Variants in ARNT2 observed in about 807,000 individuals in gnomAD.
The protein encoded by ARNT2 is ARNT protein 2.
A neutral mutation model predicts 91.7 loss-of-function variants in ARNT2; 36 were observed. That is an observed-to-expected ratio of 0.39 (90% CI 0.30 to 0.52). The LOEUF (loss-of-function observed/expected upper bound fraction) is 0.52, where lower values mean the gene tolerates loss of function less well. ARNT2 is among the 20% of genes least tolerant of loss of function. ARNT2 has a pLI of 0.72. For missense variants in ARNT2, 775 were observed against 939.3 expected (o/e 0.83, Z 2.29); for synonymous variants, 365 against 347.1 (o/e 1.05, Z -0.57).
At chr15:80,533,328 G>A (rs145399169) in intron 8 of ARNT2, among the ~76,000 whole-genome samples, 195 of 152,324 alleles carry the variant, frequency 1.3e-3, no homozygotes, top group African/African-American at 4.4e-3. Context: ...ACTGATGGCG[G>A]TGAGAGGTGA....
rs540794955 is a variant in ARNT2, at chr15:80,519,826, A to T, written c.877+5421A>T. 4.5e-4 allele frequency among the ~76,000 whole-genome samples: 68 copies of T among 149,720 alleles called. 2 individuals are homozygous for T. The highest frequency in any genetic ancestry group is 8.9e-4 in the Non-Finnish European group (60 of 67,604). On this transcript the variant is annotated intron_variant, in intron 8 of 18. Coordinates refer to ENST00000303329, the MANE Select transcript of ARNT2 (RefSeq NM_014862.4). ...TCAGCCTCCGAGTAACTGGGACTACAGGCACCTGCCACCATGCCCGGCTAA... is the reference window on the plus strand; with the variant it reads ...TCAGCCTCCGAGTAACTGGGACTACTGGCACCTGCCACCATGCCCGGCTAA...
chr15:80,433,877 G>T (rs1216062577), intron 1 of ARNT2: 2 of 151,922 alleles, frequency 1.3e-5, no homozygotes, highest in East Asian at 3.9e-4. Flanking sequence ...AAAAGGGCAT[G>T]ATCCAATGTC....
At chr15:80,577,030 T>A in intron 15 of ARNT2, 65 bp downstream of exon 15, 2 of 1,488,676 alleles carry the variant, frequency 1.3e-6, no homozygotes, top group South Asian at 1.1e-5. Context: ...GCCCTGGGTC[T>A]CAGAGCACAG....
intron 5 of ARNT2, among the ~76,000 whole-genome samples, chr15:80,479,390 A>G (rs1489417712): frequency 6.6e-6 from 1 of 152,210 alleles, no homozygotes; most frequent in Non-Finnish European, 1.5e-5. Context: ...ACTTGTCATG[A>G]TCTGACTTGT....
At chr15:80,519,888 T>A (rs1347037711) in intron 8 of ARNT2, among the ~76,000 whole-genome samples, 4 of 144,336 alleles carry the variant, frequency 2.8e-5, no homozygotes, top group Admixed American at 2.1e-4. Flanking sequence ...TTACTAGAGA[T>A]GGGGTTTCAC....
intron 17 of ARNT2, among the ~76,000 whole-genome samples, chr15:80,581,613 T>C (rs1898799308): frequency 6.6e-6 from 1 of 152,176 alleles, no homozygotes; most frequent in Non-Finnish European, 1.5e-5. Context: ...GATTTGACTT[T>C]ATCATTTTCA....
At position 80,404,864 on chromosome 15, in the gene ARNT2, C is replaced by G. The variant is rs1417718237; in HGVS notation, c.31+318C>G. 6.6e-6 allele frequency among the ~76,000 whole-genome samples: 1 copy of G among 152,256 alleles called. No individual in the cohort carries two copies. The highest frequency in any genetic ancestry group is 1.5e-5 in the Non-Finnish European group (1 of 68,046). On this transcript the variant is annotated intron_variant, in intron 1 of 18. Coordinates refer to ENST00000303329, the MANE Select transcript of ARNT2 (RefSeq NM_014862.4). The surrounding 1 kb of genome is among the most constrained non-coding windows in gnomAD (Gnocchi z 5.5). ...CTGAAAATAACCGCCTTTGCCTTCC[C>G]CATCCCACGCATTTTTCTCTTCCGG...
At chr15:80,514,069 G>T (rs919515460) in intron 7 of ARNT2, 93 bp downstream of exon 7, 3 of 1,276,004 alleles carry the variant, frequency 2.4e-6, no homozygotes, top group Non-Finnish European at 1.1e-6. Flanking sequence ...AAGGGGCTTA[G>T]TGTGGTGAGG....
Position 80,596,985 on chromosome 15 carries a change from C to CTGTGGATT in ARNT2, c.*3288_*3289insGTGGATTT. ...AGCCATCACAAATAGCCACATTCTG[C>CTGTGGATT]TCTACTCTCCAACATACCAGATTCT... On this transcript the variant is annotated 3_prime_UTR_variant, in exon 19 of 19. Transcript: ENST00000303329. 2 of 365,156 alleles carry CTGTGGATT rather than the reference C, an allele frequency of 5.5e-6. No homozygotes were observed. The highest frequency in any genetic ancestry group is 1.1e-5 in the Non-Finnish European group (2 of 185,046). 22.6% of individuals were successfully genotyped at this position (365,156 alleles called of 1,614,324 possible). A position where few individuals can be genotyped will look rare whatever the true frequency, so the allele number is the denominator to read the frequency against.
intron 8 of ARNT2, among the ~76,000 whole-genome samples, chr15:80,544,869 C>T (rs990038674): frequency 2.6e-5 from 4 of 152,204 alleles, no homozygotes; most frequent in African/African-American, 9.6e-5. Context: ...ATATTCTTCA[C>T]TTGTCTAAAG....
intron 14 of ARNT2, 109 bp from the exon 15 acceptor site, chr15:80,576,757 G>C (rs998391706): frequency 8.8e-7 from 1 of 1,140,816 alleles, no homozygotes; most frequent in Non-Finnish European, 1.3e-6. Flanking sequence ...GCCCTGACTT[G>C]TGTCCTCCCG....
chr15:80,544,287 T>C (rs1463700835), intron 8 of ARNT2, among the ~76,000 whole-genome samples: 1 of 152,194 alleles, frequency 6.6e-6, no homozygotes, highest in African/African-American at 2.4e-5. Flanking sequence ...TAATTTTTTA[T>C]TTGATGCTAG....
intron 5 of ARNT2, among the ~76,000 whole-genome samples, chr15:80,483,767 C>T (rs768681915): frequency 6.6e-6 from 1 of 152,210 alleles, no homozygotes; most frequent in Non-Finnish European, 1.5e-5. Context: ...AGTCAGCGTG[C>T]ACCTCCTGGA....
intron 3 of ARNT2, among the ~76,000 whole-genome samples, chr15:80,463,504 A>G (rs1896592631): frequency 6.6e-6 from 1 of 151,698 alleles, no homozygotes. Flanking sequence ...TAGGGTTAGC[A>G]CACACTGGAA....
intron 8 of ARNT2, among the ~76,000 whole-genome samples, chr15:80,517,548 C>T (rs1294620965): frequency 1.3e-5 from 2 of 151,708 alleles, no homozygotes; most frequent in Non-Finnish European, 2.9e-5. Context: ...CTCTTCTGCT[C>T]CATTTTCTCT....
At chr15:80,537,634 G>A (rs964212010) in intron 8 of ARNT2, among the ~76,000 whole-genome samples, 2 of 152,100 alleles carry the variant, frequency 1.3e-5, no homozygotes, top group African/African-American at 2.4e-5. Flanking sequence ...TGTGCTGTAC[G>A]CCTGCCATGC....
At position 80,597,264 on chromosome 15, in the gene ARNT2, C is replaced by T. The variant is rs746822940; in HGVS notation, c.*3566C>T. 2.9e-5 allele frequency: 15 copies of T among 518,178 alleles called. No homozygotes were observed. Among genetic ancestry groups the T allele is most frequent in the South Asian group, 7.0e-5 (5 of 71,426 alleles). The allele number at this position is 518,178 out of a possible 1,614,324, so 32.1% of individuals were successfully genotyped here. On this transcript the variant is annotated 3_prime_UTR_variant, in exon 19 of 19. Coordinates refer to ENST00000303329, the MANE Select transcript of ARNT2 (RefSeq NM_014862.4). ...CCCATAAGCTATGCGAGAATGTGAA[C>T]GCTCACCTTGCTCCGTCACGGTTCT...
Position 80,404,427 on chromosome 15 carries a change from GC to G in ARNT2, c.-87del. ...TTTGTGTGGCGGCGGCGGCGCCTGGGCCTGACCGGGTCCCCGGGGCTGAGCG... is the reference window on the plus strand; with the variant it reads ...TTTGTGTGGCGGCGGCGGCGCCTGGGCTGACCGGGTCCCCGGGGCTGAGCG... On this transcript the variant is annotated 5_prime_UTR_variant, in exon 1 of 19. Coordinates refer to ENST00000303329, the MANE Select transcript of ARNT2 (RefSeq NM_014862.4). The surrounding 1 kb of genome is among the most constrained non-coding windows in gnomAD (Gnocchi z 5.5). 1.1e-6 allele frequency: 1 copy of G among 917,578 alleles called. No homozygotes were observed. Among genetic ancestry groups the G allele is most frequent in the Non-Finnish European group, 1.4e-6 (1 of 740,508 alleles). The allele number at this position is 917,578 out of a possible 1,614,324, so 56.8% of individuals were successfully genotyped here.
intron 5 of ARNT2, among the ~76,000 whole-genome samples, chr15:80,478,082 A>G (rs1384095325): frequency 6.6e-6 from 1 of 152,242 alleles, no homozygotes; most frequent in Non-Finnish European, 1.5e-5. Flanking sequence ...AGCAAACTCC[A>G]TATAGAAATC....
Sources: gnomAD v4.1 joint callset for allele counts (sites outside exome capture counted in the v4.1 genomes callset) on GRCh38, gnomAD v4.1.1 for gene constraint, Gnocchi (gnomAD v3.1) non-coding constraint, MANE v1.5 for transcripts, NCBI Gene and HGNC (gene_info 2026-07-23, HGNC 2026-07-21) for gene names.